Variants in PRELID2 observed in about 807,000 individuals in gnomAD.
PRELID2 encodes the protein PRELI domain-containing protein 2.
A neutral mutation model predicts 28.4 loss-of-function variants in PRELID2; 25 were observed. The ratio of observed to expected loss-of-function variants is 0.88; its 90% CI spans 0.64 to 1.23. PRELID2 has a LOEUF of 1.23. PRELID2 is among the 50% of genes most tolerant of loss of function. PRELID2 has a pLI of 0.00. For missense variants in PRELID2, 201 were observed against 214.4 expected (o/e 0.94, Z 0.39); for synonymous variants, 76 against 71.6 (o/e 1.06, Z -0.31).
intron 1 of PRELID2, among the ~76,000 whole-genome samples, chr5:145,696,681 T>C (rs113829967): frequency 0.046 from 7,020 of 151,764 alleles, 578 homozygotes; most frequent in African/African-American, 0.16. Context: ...CCAGGCTGGT[T>C]TGGAACTCTT....
intron 1 of PRELID2, among the ~76,000 whole-genome samples, chr5:145,535,928 TTGACATTTCCATTAC>T (rs1201739044): frequency 6.6e-6 from 1 of 151,980 alleles, no homozygotes; most frequent in Non-Finnish European, 1.5e-5. Flanking sequence ...TTTAAATGAT[TTGACATTTCCATTAC>T]AACCAATTCC....
chr5:145,368,409 C>T, the PRELID2 span, among the ~76,000 whole-genome samples: 1 of 151,864 alleles, frequency 6.6e-6, no homozygotes, highest in African/African-American at 2.4e-5. Flanking sequence ...CTTCGAGACA[C>T]CTCAAAGTCA....
At chr5:145,768,920 TAAAATA>T (rs1757938953) in intron 5 of PRELID2, among the ~76,000 whole-genome samples, 1 of 150,896 alleles carries the variant, frequency 6.6e-6, no homozygotes. Context: ...GAGAGGCCTA[TAAAATA>T]AACAAAAAAG....
chr5:145,358,748 G>A, the PRELID2 span, among the ~76,000 whole-genome samples: 3 of 152,314 alleles, frequency 2.0e-5, no homozygotes, highest in African/African-American at 7.2e-5. Context: ...GGATGAAGAA[G>A]TAGAAAGAGG....
the PRELID2 span, among the ~76,000 whole-genome samples, chr5:145,293,198 T>G: frequency 6.6e-6 from 1 of 152,190 alleles, no homozygotes; most frequent in Non-Finnish European, 1.5e-5. Flanking sequence ...CTTTACACAT[T>G]GTCTTCATCT....
At chr5:145,313,805 A>T in the PRELID2 span, among the ~76,000 whole-genome samples, 2 of 152,198 alleles carry the variant, frequency 1.3e-5, no homozygotes, top group Non-Finnish European at 2.9e-5. Flanking sequence ...AACTGAGAAA[A>T]GTCAAATAAT....
chr5:145,427,015 C>A, the PRELID2 span, among the ~76,000 whole-genome samples: 7 of 152,200 alleles, frequency 4.6e-5, no homozygotes, highest in Admixed American at 2.6e-4. Context: ...CTTGCCTACA[C>A]ATCATAATTG....
chr5:145,688,754 T>C (rs1295519722), intron 1 of PRELID2, among the ~76,000 whole-genome samples: 1 of 152,158 alleles, frequency 6.6e-6, no homozygotes, highest in Non-Finnish European at 1.5e-5. Flanking sequence ...AGGTGCAAAC[T>C]TGCAAACGAT....
At chr5:145,659,490 A>G (rs1330898201) in intron 1 of PRELID2, among the ~76,000 whole-genome samples, 1 of 152,268 alleles carries the variant, frequency 6.6e-6, no homozygotes, top group Non-Finnish European at 1.5e-5. Context: ...TATCAAAAGC[A>G]GACATGGACC....
At chr5:145,753,497 T>C (rs556196185), downstream of PRELID2, among the ~76,000 whole-genome samples, 98 of 152,336 alleles carry the variant, frequency 6.4e-4, no homozygotes, top group African/African-American at 2.1e-3. Flanking sequence ...GGACAGTGAA[T>C]TGTATTTTTC....
chr5:145,712,996 T>C (rs1755737101), intron 1 of PRELID2, among the ~76,000 whole-genome samples: 1 of 151,584 alleles, frequency 6.6e-6, no homozygotes, highest in South Asian at 2.1e-4. Flanking sequence ...ACTGTCTAAA[T>C]TGAAATACAT....
chr5:145,449,593 C>T, the PRELID2 span, among the ~76,000 whole-genome samples: 1 of 152,064 alleles, frequency 6.6e-6, no homozygotes, highest in African/African-American at 2.4e-5. Flanking sequence ...AATCGGAATG[C>T]CTGTTCCCAT....
At chr5:145,285,333 T>C in the PRELID2 span, among the ~76,000 whole-genome samples, 1 of 152,104 alleles carries the variant, frequency 6.6e-6, no homozygotes, top group South Asian at 2.1e-4. Context: ...TTTGAGGTTA[T>C]CCTAAAGATA....
At chr5:145,467,156 A>C (rs905951993), downstream of PRELID2, among the ~76,000 whole-genome samples, 10 of 152,162 alleles carry the variant, frequency 6.6e-5, no homozygotes, top group African/African-American at 2.4e-4. Flanking sequence ...TCAGTCCACT[A>C]TCCCAGTGGT....
At chr5:145,248,802 G>GA in the PRELID2 span, among the ~76,000 whole-genome samples, 4 of 151,786 alleles carry the variant, frequency 2.6e-5, no homozygotes, top group South Asian at 2.1e-4. Context: ...TCTCAAAAAA[G>GA]AAAAAAATCA....
intron 1 of PRELID2, among the ~76,000 whole-genome samples, chr5:145,492,270 G>C (rs1046584020): frequency 1.3e-5 from 2 of 152,128 alleles, no homozygotes; most frequent in Non-Finnish European, 2.9e-5. Flanking sequence ...ATCCCCTGAT[G>C]ATTAGTCATG....
At chr5:145,808,113 T>C (rs10065896) in intron 4 of PRELID2, among the ~76,000 whole-genome samples, 3,606 of 152,184 alleles carry the variant, frequency 0.024, 122 homozygotes, top group African/African-American at 0.078. Context: ...AAATCAAGGT[T>C]AATATGAGCA....
the PRELID2 span, among the ~76,000 whole-genome samples, chr5:145,447,908 T>C: frequency 6.6e-6 from 1 of 151,310 alleles, no homozygotes; most frequent in Non-Finnish European, 1.5e-5. Flanking sequence ...TCTTTGCTAT[T>C]GTGAATAATG....
the PRELID2 span, among the ~76,000 whole-genome samples, chr5:145,322,903 C>T: frequency 1.3e-5 from 2 of 152,066 alleles, no homozygotes; most frequent in South Asian, 2.1e-4. Context: ...ATTGTTTGAA[C>T]CCGGAAGGCG....
Sources: gnomAD v4.1 joint callset for allele counts (sites outside exome capture counted in the v4.1 genomes callset) on GRCh38, gnomAD v4.1.1 for gene constraint, MANE v1.5 for transcripts, NCBI Gene and HGNC (gene_info 2026-07-23, HGNC 2026-07-21) for gene names.